KATNAL1: variants seen among roughly 807,000 people sequenced by gnomAD.
KATNAL1 encodes katanin p60 ATPase-containing subunit A-like 1.
Under a neutral mutation model 55.2 loss-of-function variants are expected in KATNAL1, and 32 were observed. The observed-to-expected ratio is 0.58, with a 90% CI of 0.44 to 0.78. The LOEUF is 0.78. KATNAL1 is among the 30% of genes least tolerant of loss of function. The pLI is 0.00. For missense variants in KATNAL1, 466 were observed against 600.9 expected (o/e 0.78, Z 2.35); for synonymous variants, 193 against 193.6 (o/e 1.00, Z 0.02).
intron 2 of KATNAL1, among the ~76,000 whole-genome samples, chr13:30,281,306 T>C (rs749201574): frequency 6.6e-6 from 1 of 151,906 alleles, no homozygotes; most frequent in African/African-American, 2.4e-5. Context: ...AAGAAAAAGC[T>C]AGGTAAAATT....
At chr13:30,209,516 A>C (rs894576099) in intron 10 of KATNAL1, among the ~76,000 whole-genome samples, 7 of 152,250 alleles carry the variant, frequency 4.6e-5, no homozygotes, top group African/African-American at 1.7e-4. Flanking sequence ...TACTAAAGTC[A>C]ATTTAAGTGC....
intron 3 of KATNAL1, among the ~76,000 whole-genome samples, chr13:30,264,717 G>A (rs1280704453): frequency 1.2e-4 from 15 of 121,032 alleles, no homozygotes; most frequent in African/African-American, 4.2e-4. Flanking sequence ...AAAAAGTCAG[G>A]AAACAACAGG....
chr13:30,303,904 C>A (rs1391602978), intron 1 of KATNAL1, among the ~76,000 whole-genome samples: 1 of 152,146 alleles, frequency 6.6e-6, no homozygotes, highest in Non-Finnish European at 1.5e-5. Flanking sequence ...TTAATATGGT[C>A]AAGTAAAGTC....
intron 1 of KATNAL1, among the ~76,000 whole-genome samples, chr13:30,286,248 T>C (rs1881779550): frequency 6.6e-6 from 1 of 152,096 alleles, no homozygotes; most frequent in South Asian, 2.1e-4. Context: ...CCAGGGCATG[T>C]CAGAGATGTC....
intron 3 of KATNAL1, among the ~76,000 whole-genome samples, chr13:30,259,294 C>T (rs984412372): frequency 3.6e-4 from 54 of 151,710 alleles, no homozygotes; most frequent in African/African-American, 1.3e-3. Flanking sequence ...GAGTTGAGAT[C>T]GTGCCACTGC....
chr13:30,227,599 T>C (rs968834269), intron 8 of KATNAL1, 53 bp from the exon 9 acceptor site: 51 of 1,563,174 alleles, frequency 3.3e-5, no homozygotes, highest in Non-Finnish European at 4.4e-5. Context: ...CTCTTTATTC[T>C]TTCATTCAAT....
At chr13:30,286,985 T>G (rs1054570318) in intron 1 of KATNAL1, among the ~76,000 whole-genome samples, 1 of 152,182 alleles carries the variant, frequency 6.6e-6, no homozygotes, top group Non-Finnish European at 1.5e-5. Flanking sequence ...TTTCTCCCAT[T>G]TGGAACAGGT....
At chr13:30,274,890 TAC>T (rs1491544861) in intron 3 of KATNAL1, among the ~76,000 whole-genome samples, 36 of 77,030 alleles carry the variant, frequency 4.7e-4, no homozygotes, top group Non-Finnish European at 6.5e-4. Context: ...TGCACACACA[TAC>T]GCGCGCGCGC....
chr13:30,255,491 T>C lies in KATNAL1; in HGVS notation c.448A>G (p.Thr150Ala). 6.3e-7 allele frequency: 1 copy of C among 1,595,950 alleles called. No homozygotes were observed. The highest frequency in any genetic ancestry group is 8.5e-7 in the Non-Finnish European group (1 of 1,170,960). Residue 150 changes from threonine to alanine, a missense_variant, in exon 4 of 11, where the codon ACA (threonine) becomes GCA (alanine). Physicochemically the swap from Thr to Ala is moderately conservative, Grantham distance 58 (BLOSUM62 0). Transcript: ENST00000380615. ...GCTCTATAGTCCTTGTCCCTACTTG[T>C]AGAAGGCTTTTCACTCTTTGATATA... is the stretch of plus-strand genomic sequence containing the variant. ...HPISKSEKPS[T>A]SRDKDYRARG...
Position 30,296,577 on chromosome 13 carries a change from C to G in KATNAL1, c.-15+10754G>C, listed in dbSNP as rs563159229. The G allele has an allele frequency of 4.1e-6, 3 of 729,562 alleles. No homozygotes were observed. In the African/African-American group the frequency reaches 5.2e-5, roughly 13 times the overall value. The allele number at this position is 729,562 out of a possible 1,614,324, so 45.2% of individuals were successfully genotyped here. ...TTGCCAGATCACTGTTAATGATTTG[C>G]CTGTGGGACGCTCATTGGATGAGGC... On this transcript the variant is annotated intron_variant, in intron 1 of 10. Coordinates refer to ENST00000380615, the MANE Select transcript of KATNAL1 (RefSeq NM_032116.5).
intron 1 of KATNAL1, 84 bp from the exon 2 acceptor site, chr13:30,283,875 T>A: frequency 5.5e-6 from 5 of 908,532 alleles, no homozygotes; most frequent in Non-Finnish European, 6.3e-6. Context: ...TGTTTAAAAC[T>A]ACTTTTTTTT....
At chr13:30,234,771 A>G (rs17724817) in intron 6 of KATNAL1, among the ~76,000 whole-genome samples, 21,905 of 152,172 alleles carry the variant, frequency 0.14, 1,811 homozygotes, top group Non-Finnish European at 0.19. Flanking sequence ...TCTATTTCCA[A>G]TATCAGTTCC....
At chr13:30,271,573 T>C (rs1380209458) in intron 3 of KATNAL1, among the ~76,000 whole-genome samples, 2 of 152,016 alleles carry the variant, frequency 1.3e-5, no homozygotes, top group African/African-American at 4.8e-5. Context: ...GAGAACCCTA[T>C]CATGAGAACA....
chr13:30,210,363 G>C lies in KATNAL1; in HGVS notation c.1227C>G (p.Ala409=). 1 of 1,606,452 alleles carries C rather than the reference G, an allele frequency of 6.2e-7. No individual in the cohort carries two copies. The highest frequency in any genetic ancestry group is 8.5e-7 in the Non-Finnish European group (1 of 1,176,610). The change falls in exon 10 of 11, where the codon GCC becomes GCG. Residue 409 remains alanine, a synonymous_variant. Coordinates refer to ENST00000380615, the MANE Select transcript of KATNAL1 (RefSeq NM_032116.5). ...LDPDIQLEDI[A]EKIEGYSGAD... is the part of the protein sequence containing the mutation. ...CACCAGAATAGCCCTCAATCTTCTC[G>C]GCTATATCTTCCAGTTGAATATCAG...
chr13:30,221,408 A>G (rs1324247172), intron 9 of KATNAL1, among the ~76,000 whole-genome samples: 1 of 152,250 alleles, frequency 6.6e-6, no homozygotes, highest in Non-Finnish European at 1.5e-5. Context: ...ATTTAAAGGA[A>G]AATACATAAT....
intron 3 of KATNAL1, among the ~76,000 whole-genome samples, chr13:30,276,029 G>T (rs147191088): frequency 2.0e-5 from 3 of 152,104 alleles, no homozygotes; most frequent in Admixed American, 2.0e-4. Context: ...TAGTTAATAA[G>T]CCTACATGTA....
At position 30,293,238 on chromosome 13, in the gene KATNAL1, C is replaced by T. The variant is rs187398292; in HGVS notation, c.-14-9447G>A. 2.1e-3 allele frequency among the ~76,000 whole-genome samples: 318 copies of T among 152,166 alleles called. 1 individual carries two copies. Among genetic ancestry groups the T allele is most frequent in the South Asian group, 3.9e-3 (19 of 4,822 alleles). On this transcript the variant is annotated intron_variant, in intron 1 of 10. Coordinates refer to ENST00000380615, the MANE Select transcript of KATNAL1 (RefSeq NM_032116.5). Reference sequence around the variant, plus strand: ...TCCCTCCTTTTTTCCACCTCTCTGTCCTTTTGCTCTACTTTCTTGGAGATG... The same window carrying T: ...TCCCTCCTTTTTTCCACCTCTCTGTTCTTTTGCTCTACTTTCTTGGAGATG...
intron 4 of KATNAL1, among the ~76,000 whole-genome samples, chr13:30,254,416 T>C (rs1479260055): frequency 1.3e-5 from 2 of 152,170 alleles, no homozygotes; most frequent in Non-Finnish European, 2.9e-5. Context: ...TCTAATTCAT[T>C]TTCAGTGTCC....
chr13:30,225,165 A>G (rs1875320531), intron 9 of KATNAL1, among the ~76,000 whole-genome samples: 1 of 152,198 alleles, frequency 6.6e-6, no homozygotes, highest in South Asian at 2.1e-4. Flanking sequence ...GTGGAAAAAA[A>G]GAGTTCAACA....
Sources: allele counts gnomAD v4.1 joint callset (sites outside exome capture counted in the v4.1 genomes callset), GRCh38; gene constraint gnomAD v4.1.1; transcripts MANE v1.5; gene names NCBI Gene and HGNC (gene_info 2026-07-23, HGNC 2026-07-21).